Variants in PLXDC2 observed in about 807,000 individuals in gnomAD.
PLXDC2 encodes the protein plexin domain-containing protein 2.
PLXDC2 carries 40 observed loss-of-function variants against 68.9 expected under a neutral mutation model. That is an observed-to-expected ratio of 0.58 (90% CI 0.45 to 0.76). The LOEUF (loss-of-function observed/expected upper bound fraction) is 0.76. Ranked by LOEUF, PLXDC2 falls within the 30% of genes least tolerant of loss-of-function variation. PLXDC2 has a pLI of 0.00. For missense variants in PLXDC2, 644 were observed against 661.9 expected (o/e 0.97, Z 0.30); for synonymous variants, 243 against 234.2 (o/e 1.04, Z -0.34).
chr10:20,096,731 T>G (rs7100977), intron 4 of PLXDC2, among the ~76,000 whole-genome samples: 145,621 of 152,180 alleles, frequency 0.96, 69,723 homozygotes, highest in East Asian at 1. Context: ...TAATTGTTTT[T>G]TATGTCTGAT....
At chr10:19,989,141 C>G (rs965313771) in intron 1 of PLXDC2, among the ~76,000 whole-genome samples, 2 of 152,070 alleles carry the variant, frequency 1.3e-5, no homozygotes, top group Non-Finnish European at 2.9e-5. Flanking sequence ...ATCCAGTTTT[C>G]TATGGTTTAG....
At chr10:20,241,392 C>T (rs1033947536) in intron 12 of PLXDC2, among the ~76,000 whole-genome samples, 5 of 152,156 alleles carry the variant, frequency 3.3e-5, no homozygotes, top group African/African-American at 1.2e-4. Context: ...AAAGCTGCCT[C>T]CTTAGCAAGT....
intron 1 of PLXDC2, among the ~76,000 whole-genome samples, chr10:19,987,716 C>T (rs953044123): frequency 1.4e-4 from 21 of 151,894 alleles, no homozygotes; most frequent in Non-Finnish European, 2.5e-4. Flanking sequence ...CGCCCGCCAC[C>T]ACCCCCGGCT....
At chr10:19,950,249 T>C (rs1239522752) in intron 1 of PLXDC2, among the ~76,000 whole-genome samples, 1 of 152,216 alleles carries the variant, frequency 6.6e-6, no homozygotes, top group East Asian at 1.9e-4. Context: ...AATATGATTC[T>C]ATTCCTAGAA....
chr10:19,855,897 A>T (rs1837202385), intron 1 of PLXDC2, among the ~76,000 whole-genome samples: 1 of 152,152 alleles, frequency 6.6e-6, no homozygotes, highest in South Asian at 2.1e-4. Context: ...CATCCTGGCT[A>T]ACATGGTGAA....
chr10:20,252,521 GAC>G (rs1228662964), intron 13 of PLXDC2, among the ~76,000 whole-genome samples: 2 of 152,116 alleles, frequency 1.3e-5, no homozygotes, highest in Non-Finnish European at 2.9e-5. Context: ...ACTTTGCAGA[GAC>G]AAAGAATTAG....
intron 1 of PLXDC2, among the ~76,000 whole-genome samples, chr10:19,838,915 G>A (rs1291987719): frequency 6.6e-6 from 1 of 152,114 alleles, no homozygotes; most frequent in Non-Finnish European, 1.5e-5. Context: ...GCCAGGTGTG[G>A]TGGCTCATGC....
chr10:19,893,559 CT>C (rs1241862282), intron 1 of PLXDC2, among the ~76,000 whole-genome samples: 2 of 152,136 alleles, frequency 1.3e-5, no homozygotes, highest in Non-Finnish European at 2.9e-5. Flanking sequence ...AACTTTGGGG[CT>C]TGATTTAAAT....
chr10:20,253,799 A>G (rs1355725274), intron 13 of PLXDC2, among the ~76,000 whole-genome samples: 1 of 152,238 alleles, frequency 6.6e-6, no homozygotes, highest in Admixed American at 6.5e-5. Flanking sequence ...GATATAAAAA[A>G]TGATTCCACA....
intron 13 of PLXDC2, among the ~76,000 whole-genome samples, chr10:20,257,426 G>A (rs1043503770): frequency 3.3e-5 from 5 of 152,130 alleles, no homozygotes; most frequent in Non-Finnish European, 5.9e-5. Flanking sequence ...ACTTTTTGTT[G>A]TTATTATTGG....
At chr10:19,963,222 A>C (rs1251948031) in intron 1 of PLXDC2, among the ~76,000 whole-genome samples, 1 of 152,134 alleles carries the variant, frequency 6.6e-6, no homozygotes, top group East Asian at 1.9e-4. Flanking sequence ...ACTCCATTGA[A>C]TTCCTACTAG....
chr10:20,044,235 T>TTCTTTCTTTCTTTCTTTC (rs1835749884), intron 2 of PLXDC2, among the ~76,000 whole-genome samples: 1 of 89,550 alleles, frequency 1.1e-5, no homozygotes. Context: ...CTTTCTTTCT[T>TTCTTTCTTTCTTTCTTTC]TCTTTCTTTC....
At chr10:20,233,962 A>T (rs904896144) in intron 12 of PLXDC2, among the ~76,000 whole-genome samples, 5 of 150,048 alleles carry the variant, frequency 3.3e-5, no homozygotes, top group Non-Finnish European at 7.4e-5. Context: ...CTGGGACTAC[A>T]GTTATGCATC....
chr10:20,245,136 G>A (rs1240347817), intron 12 of PLXDC2, among the ~76,000 whole-genome samples: 1 of 152,064 alleles, frequency 6.6e-6, no homozygotes, highest in Non-Finnish European at 1.5e-5. Flanking sequence ...ATAAAACACA[G>A]TGATAAATGT....
intron 1 of PLXDC2, among the ~76,000 whole-genome samples, chr10:19,993,648 G>A: frequency 6.6e-6 from 1 of 152,172 alleles, no homozygotes. Context: ...TCAAACTCCT[G>A]ACCTCAGGTG....
intron 9 of PLXDC2, among the ~76,000 whole-genome samples, chr10:20,195,873 A>G (rs1234470202): frequency 6.6e-6 from 1 of 152,124 alleles, no homozygotes; most frequent in Admixed American, 6.6e-5. Flanking sequence ...AACAAAATCT[A>G]CTGGTGACAG....
intron 6 of PLXDC2, among the ~76,000 whole-genome samples, chr10:20,152,687 A>G (rs974571049): frequency 1.3e-5 from 2 of 152,182 alleles, no homozygotes; most frequent in East Asian, 1.9e-4. Flanking sequence ...TATATTAATA[A>G]CAATTATTTT....
intron 4 of PLXDC2, among the ~76,000 whole-genome samples, chr10:20,139,497 A>C (rs1284232717): frequency 6.6e-6 from 1 of 152,242 alleles, no homozygotes; most frequent in African/African-American, 2.4e-5. Flanking sequence ...TAAATAAAAT[A>C]GTTAAAACAT....
intron 1 of PLXDC2, among the ~76,000 whole-genome samples, chr10:19,838,220 C>A (rs1836836001): frequency 6.6e-6 from 1 of 151,658 alleles, no homozygotes; most frequent in South Asian, 2.1e-4. Context: ...ACCTAGGCCT[C>A]CCAAAGTGCT....
Sources: allele counts gnomAD v4.1 joint callset (sites outside exome capture counted in the v4.1 genomes callset), GRCh38; gene constraint gnomAD v4.1.1; transcripts MANE v1.5; gene names NCBI Gene and HGNC (gene_info 2026-07-23, HGNC 2026-07-21).